The following GABRA3 variants were observed in gnomAD, a reference collection of about 807,000 sequenced individuals.
GABRA3 encodes gamma-aminobutyric acid type A receptor subunit alpha3, also known as gamma-aminobutyric acid receptor subunit alpha-3.
GABRA3 carries 10 observed loss-of-function variants against 30.1 expected under a neutral mutation model. The ratio of observed to expected loss-of-function variants is 0.33; its 90% CI spans 0.20 to 0.56. The LOEUF is 0.56. GABRA3 is among the 20% of genes least tolerant of loss of function. GABRA3 has a pLI of 0.89. For missense variants in GABRA3, 233 were observed against 392.0 expected, an observed-to-expected ratio of 0.59 and a Z score of 3.42; for synonymous variants, 151 against 146.8, an observed-to-expected ratio of 1.03 and a Z score of -0.21.
In GABRA3 at chrX:152,377,987, A is replaced by G. The variant is rs767937081; in HGVS notation, c.-26-13391T>C. Among the ~76,000 whole-genome samples, 5 of 112,328 alleles carry G rather than the reference A, an allele frequency of 4.5e-5. No homozygotes were observed. The East Asian group carries it at 1.4e-3, about 31-fold the overall frequency. ...CCCCCTGCAAAAGGTTTTAAACCAC[A>G]AGCAGGCCTCTCTTACTCTCTTAAG... On this transcript the variant is annotated intron_variant, in intron 1 of 9. Coordinates refer to ENST00000370314, the MANE Select transcript of GABRA3 (RefSeq NM_000808.4).
intron 1 of GABRA3, among the ~76,000 whole-genome samples, chrX:152,441,668 AAT>A (rs1930935216): frequency 8.9e-6 from 1 of 111,985 alleles, no homozygotes; most frequent in Non-Finnish European, 1.9e-5. Flanking sequence ...AATGAAACAC[AAT>A]AGAGAGCCTA....
At chrX:152,418,989 T>C (rs1424073817) in intron 1 of GABRA3, among the ~76,000 whole-genome samples, 3 of 111,517 alleles carry the variant, frequency 2.7e-5, no homozygotes, top group East Asian at 5.7e-4. Flanking sequence ...ATGTCCTCTG[T>C]AGGCACATGG....
intron 3 of GABRA3, among the ~76,000 whole-genome samples, chrX:152,317,520 T>A (rs1025327051): frequency 8.9e-6 from 1 of 111,800 alleles, no homozygotes; most frequent in Admixed American, 9.5e-5. Context: ...ATAAACATTC[T>A]ATTTATCAGC....
intron 3 of GABRA3, among the ~76,000 whole-genome samples, chrX:152,294,905 C>T (rs1939497749): frequency 9.2e-6 from 1 of 108,878 alleles, no homozygotes; most frequent in Non-Finnish European, 1.9e-5. Context: ...TTTGCTCCAA[C>T]AGCTGCAGGT....
intron 1 of GABRA3, among the ~76,000 whole-genome samples, chrX:152,410,480 C>T (rs1930042205): frequency 9.0e-6 from 1 of 110,865 alleles, no homozygotes; most frequent in Admixed American, 9.6e-5. Context: ...CACATGTACC[C>T]CATAAATATG....
intron 4 of GABRA3, among the ~76,000 whole-genome samples, chrX:152,280,464 C>G (rs1270813466): frequency 1.8e-5 from 2 of 111,424 alleles, no homozygotes; most frequent in Non-Finnish European, 3.8e-5. Flanking sequence ...TTCAATTCTA[C>G]TGCCACCAGG....
intron 4 of GABRA3, among the ~76,000 whole-genome samples, chrX:152,272,149 G>A (rs1189118024): frequency 9.0e-6 from 1 of 111,588 alleles, no homozygotes; most frequent in Admixed American, 9.5e-5. Context: ...ACCCCAGAAT[G>A]GTAGATCCAT....
intron 1 of GABRA3, among the ~76,000 whole-genome samples, chrX:152,385,075 CTAAT>C (rs1408386830): frequency 1.2e-4 from 13 of 111,381 alleles, no homozygotes; most frequent in African/African-American, 2.3e-4. Flanking sequence ...TCACCACAAA[CTAAT>C]TGATTGACAA....
Position 152,198,668 on chromosome X carries a change from C to A in GABRA3, c.779-883G>T, listed in dbSNP as rs777565973. Reference sequence around the variant, plus strand: ...CTCTCCTACTTCACAGACCATTCCTCCTAAGTCTCCTTTCCTGTTCCTTTT... The same window carrying A: ...CTCTCCTACTTCACAGACCATTCCTACTAAGTCTCCTTTCCTGTTCCTTTT... On this transcript the variant is annotated intron_variant, in intron 7 of 9. Transcript: ENST00000370314. 5.4e-5 allele frequency among the ~76,000 whole-genome samples: 6 copies of A among 112,072 alleles called. No individual in the cohort carries two copies. The South Asian group carries it at 2.3e-3, about 42-fold the overall frequency.
chrX:152,201,987 T>C (rs1334115274), intron 7 of GABRA3, among the ~76,000 whole-genome samples: 1 of 112,597 alleles, frequency 8.9e-6, no homozygotes, highest in Non-Finnish European at 1.9e-5. Flanking sequence ...ATAAGGATCA[T>C]ACATCCAAAC....
At chrX:152,448,012 C>T (rs1931130640) in intron 1 of GABRA3, among the ~76,000 whole-genome samples, 1 of 112,470 alleles carries the variant, frequency 8.9e-6, no homozygotes, top group African/African-American at 3.2e-5. Flanking sequence ...AATACAAATG[C>T]GGGCTTATCT....
rs188417400 is a variant in GABRA3, at chrX:152,418,837, C to T, written c.-27+32309G>A. ...AATCATGATGCTATAAAGGTGCATGCACACGTATGTTTATTGCGGCACTAT... is the reference window on the plus strand; with the variant it reads ...AATCATGATGCTATAAAGGTGCATGTACACGTATGTTTATTGCGGCACTAT... On this transcript the variant is annotated intron_variant, in intron 1 of 9. Coordinates refer to ENST00000370314, the MANE Select transcript of GABRA3 (RefSeq NM_000808.4). 2.7e-3 allele frequency among the ~76,000 whole-genome samples: 296 copies of T among 111,536 alleles called. 10 individuals carry two copies. The highest frequency in any genetic ancestry group is 0.024 in the Admixed American group (248 of 10,482).
At chrX:152,296,074 T>C (rs188168342) in intron 3 of GABRA3, among the ~76,000 whole-genome samples, 1 of 112,410 alleles carries the variant, frequency 8.9e-6, no homozygotes, top group African/African-American at 3.2e-5. Flanking sequence ...ATTCTAAGGA[T>C]AGTGAGGTTT....
rs1426805368 is a variant in GABRA3, at chrX:152,410,678, G to C, written c.-27+40468C>G. 3.6e-5 allele frequency among the ~76,000 whole-genome samples: 4 copies of C among 110,237 alleles called. No homozygotes were observed. In the Admixed American group the frequency reaches 3.8e-4, roughly 11 times the overall value. ...ATTAAACAAACAAACTCACAAAAAA[G>C]CAATAGTAACCAATCCTGGGGAAGT... On this transcript the variant is annotated intron_variant, in intron 1 of 9. Coordinates refer to ENST00000370314, the MANE Select transcript of GABRA3 (RefSeq NM_000808.4).
intron 2 of GABRA3, among the ~76,000 whole-genome samples, chrX:152,348,686 G>A (rs966211981): frequency 6.3e-5 from 7 of 111,956 alleles, no homozygotes; most frequent in Non-Finnish European, 9.4e-5. Flanking sequence ...AATTAAGTGA[G>A]TCACAAATAT....
At chrX:152,426,011 C>T (rs987036341) in intron 1 of GABRA3, among the ~76,000 whole-genome samples, 53 of 111,026 alleles carry the variant, frequency 4.8e-4, no homozygotes, top group Non-Finnish European at 5.8e-4. Context: ...TTATAATTCC[C>T]AATTATTTAT....
chrX:152,330,034 C>A (rs1279614955), intron 3 of GABRA3, among the ~76,000 whole-genome samples: 1 of 111,686 alleles, frequency 9.0e-6, no homozygotes, highest in South Asian at 3.7e-4. Context: ...AAAAAGTGGG[C>A]AAAGGATATG....
intron 3 of GABRA3, among the ~76,000 whole-genome samples, chrX:152,314,873 T>G (rs933195903): frequency 1.8e-5 from 2 of 112,065 alleles, no homozygotes; most frequent in African/African-American, 6.5e-5. Flanking sequence ...AAGTAGAAAT[T>G]TTTGGCCATT....
rs200604373 is a variant in GABRA3 at position 152,345,588 on chromosome X, C to T, written c.255G>A (p.Gly85=). The T allele has an allele frequency of 2.7e-5, 32 of 1,205,112 alleles. No homozygotes were observed. The highest frequency in any genetic ancestry group is 3.6e-5 in the Non-Finnish European group (32 of 893,370). The change falls in exon 3 of 10, where the codon GGG becomes GGA. Residue 85 remains glycine, a synonymous_variant. Coordinates refer to ENST00000370314, the MANE Select transcript of GABRA3 (RefSeq NM_000808.4). ...LDGYDNRLRP[G]LGDAVTEVKT... ...GATCTTAAAAGGACTGACCTCCAAG[C>T]CCAGGTCGCAGCCGGTTGTCATAGC...
Sources: gnomAD v4.1 joint callset for allele counts (sites outside exome capture counted in the v4.1 genomes callset) on GRCh38, gnomAD v4.1.1 for gene constraint, MANE v1.5 for transcripts, NCBI Gene and HGNC (gene_info 2026-07-23, HGNC 2026-07-21) for gene names.